The following TBX15 variants were observed in gnomAD, a reference collection of about 807,000 sequenced individuals.
The protein encoded by TBX15 is T-box transcription factor 15, also known as T-box transcription factor TBX15.
Under a neutral mutation model 53.9 loss-of-function variants are expected in TBX15, and 18 were observed. The observed-to-expected ratio is 0.33, with a 90% confidence interval of 0.23 to 0.49. The LOEUF (loss-of-function observed/expected upper bound fraction) is 0.49, where lower values mean the gene tolerates loss of function less well. Among genes scored for constraint, TBX15 ranks in the 20% least tolerant of loss-of-function variants. The pLI is 0.98. For synonymous variants in TBX15, 295 were observed against 278.0 expected, an observed-to-expected ratio of 1.06 and a Z score of -0.61; for missense variants, 692 against 749.5, an observed-to-expected ratio of 0.92 and a Z score of 0.90.
Position 118,987,678 on chromosome 1 carries a change from G to C in TBX15, c.118C>G (p.Leu40Val). 2 of 1,550,368 alleles carry C rather than the reference G, an allele frequency of 1.3e-6. No individual in the cohort carries two copies. Among genetic ancestry groups the C allele is most frequent in the Non-Finnish European group, 8.7e-7 (1 of 1,146,846 alleles). The change falls in exon 1 of 8, where the codon CTG becomes GTG. Residue 40 changes from leucine to valine, a missense_variant. By Grantham distance (32) the Leu-to-Val change is conservative. Around this residue, in one of 3 missense-constraint regions of TBX15, gnomAD observed 307 missense variants for 347.5 expected, o/e 0.88. Transcript: ENST00000369429. ...RKLRDWEEKG[L>V]DLSMEALSPA... ...CTCAGCGCCTCCATAGACAGGTCCA[G>C]CCCCTTCTCCTCCCAGTCTCGCAGT...
At chr1:118,969,080 G>C (rs1657147709) in intron 1 of TBX15, among the ~76,000 whole-genome samples, 1 of 152,214 alleles carries the variant, frequency 6.6e-6, no homozygotes, top group African/African-American at 2.4e-5. Context: ...AACTGGCACA[G>C]CAGTCAGATC....
At chr1:118,985,405 T>C (rs937034036) in intron 1 of TBX15, among the ~76,000 whole-genome samples, 3 of 152,360 alleles carry the variant, frequency 2.0e-5, no homozygotes, top group Admixed American at 2.0e-4. Context: ...CGCCTTTCGC[T>C]ACCGCCTGAG....
chr1:118,929,802 G>A (rs956421037), intron 2 of TBX15, among the ~76,000 whole-genome samples: 2 of 151,994 alleles, frequency 1.3e-5, no homozygotes, highest in Non-Finnish European at 2.9e-5. Context: ...GGAATACAGA[G>A]ACCCAAGAGT....
At position 118,915,466 on chromosome 1, in the gene TBX15, T is replaced by C. The variant is rs539629882; in HGVS notation, c.862-1287A>G. On this transcript the variant is annotated intron_variant, in intron 5 of 7. Transcript: ENST00000369429. Reference sequence around the variant, plus strand: ...AGTCTTCCAGGCTTCAAGGTTATTTTCTTCCTAAATATTCCTTGCCTTTAA... The same window carrying C: ...AGTCTTCCAGGCTTCAAGGTTATTTCCTTCCTAAATATTCCTTGCCTTTAA... 5.3e-5 allele frequency among the ~76,000 whole-genome samples: 8 copies of C among 152,346 alleles called. No homozygotes were observed. In the East Asian group the frequency reaches 1.2e-3, roughly 22 times the overall value.
intron 7 of TBX15, among the ~76,000 whole-genome samples, chr1:118,891,660 A>G (rs1478750609): frequency 1.3e-5 from 2 of 152,204 alleles, no homozygotes; most frequent in African/African-American, 4.8e-5. Flanking sequence ...CTTAGGAGAA[A>G]GGTACATGCC....
chr1:118,892,895 C>A (rs1654196306), intron 7 of TBX15, among the ~76,000 whole-genome samples: 1 of 152,074 alleles, frequency 6.6e-6, no homozygotes, highest in Non-Finnish European at 1.5e-5. Flanking sequence ...ATTCCTGAGA[C>A]CATAAATAAT....
intron 1 of TBX15, among the ~76,000 whole-genome samples, chr1:118,945,231 A>G (rs937059421): frequency 6.6e-6 from 1 of 152,182 alleles, no homozygotes; most frequent in Admixed American, 6.5e-5. Context: ...TTTCACAACT[A>G]AGTGGGACAG....
chr1:118,915,370 C>G (rs529557651), intron 5 of TBX15, among the ~76,000 whole-genome samples: 135 of 152,314 alleles, frequency 8.9e-4, no homozygotes, highest in African/African-American at 3.1e-3. Flanking sequence ...AGTGGAATTT[C>G]CCAAGACCGC....
chr1:118,891,544 A>C (rs1654143106), intron 7 of TBX15, among the ~76,000 whole-genome samples: 1 of 151,990 alleles, frequency 6.6e-6, no homozygotes, highest in Admixed American at 6.6e-5. Context: ...AAGGCATGTG[A>C]CTCAGGCCTG....
Position 118,914,042 on chromosome 1 carries a change from A to G in TBX15, c.926+73T>C. ...AGGTGTTTTCTAAAAGGCAGGAGCC[A>G]TCAACCATCAGCAGGATGTGAGGGA... is the stretch of plus-strand genomic sequence containing the variant. On this transcript the variant is annotated intron_variant, in intron 6 of 7. Coordinates refer to ENST00000369429, the MANE Select transcript of TBX15 (RefSeq NM_001330677.2). 3 of 1,522,954 alleles carry G rather than the reference A, an allele frequency of 2.0e-6. No homozygotes were observed. In the South Asian group the frequency reaches 3.4e-5, roughly 17 times the overall value. The allele number at this position is 1,522,954 out of a possible 1,614,324, so 94.3% of individuals were successfully genotyped here. A position where few individuals can be genotyped will look rare whatever the true frequency, so the allele number is the denominator to read the frequency against.
chr1:118,884,470 T>C lies in TBX15; in HGVS notation c.*262A>G. On this transcript the variant is annotated 3_prime_UTR_variant, in exon 8 of 8. Coordinates refer to ENST00000369429, the MANE Select transcript of TBX15 (RefSeq NM_001330677.2). ...TATTCAGTCTCTTCAAAGGCCACTC[T>C]GGAACAGACAATGCTTTATAAAACT... 1 of 526,488 alleles carries C rather than the reference T, an allele frequency of 1.9e-6. No individual in the cohort carries two copies. Among genetic ancestry groups the C allele is most frequent in the Non-Finnish European group, 3.4e-6 (1 of 293,540 alleles). 32.6% of individuals were successfully genotyped at this position (526,488 alleles called of 1,614,324 possible).
At chr1:118,925,733 C>T (rs552632853) in intron 3 of TBX15, among the ~76,000 whole-genome samples, 6 of 152,156 alleles carry the variant, frequency 3.9e-5, no homozygotes, top group East Asian at 1.9e-4. Context: ...AAATCCAGAC[C>T]GTGTCTCTCT....
At chr1:118,919,415 G>A (rs1655351257) in intron 5 of TBX15, among the ~76,000 whole-genome samples, 1 of 152,194 alleles carries the variant, frequency 6.6e-6, no homozygotes, top group Admixed American at 6.5e-5. Context: ...GGCCTGCCAA[G>A]TTGGCACATA....
chr1:118,959,329 C>T (rs745523080), intron 1 of TBX15, among the ~76,000 whole-genome samples: 12 of 152,176 alleles, frequency 7.9e-5, no homozygotes, highest in Admixed American at 1.3e-4. Context: ...GCAAGAGAGA[C>T]CATCAGCTCT....
chr1:118,957,536 A>G (rs553613536), intron 1 of TBX15, among the ~76,000 whole-genome samples: 2 of 152,308 alleles, frequency 1.3e-5, no homozygotes, highest in African/African-American at 4.8e-5. Flanking sequence ...TTAGTTACAT[A>G]TGTATACATG....
chr1:118,885,659 C>A, intron 7 of TBX15, 143 bp from the exon 8 acceptor site: 1 of 944,440 alleles, frequency 1.1e-6, no homozygotes, highest in South Asian at 1.5e-5. Context: ...CTTAACTCAG[C>A]AGACCTATGC....
intron 1 of TBX15, among the ~76,000 whole-genome samples, chr1:118,934,323 G>C (rs1009038914): frequency 1.3e-5 from 2 of 152,092 alleles, no homozygotes; most frequent in African/African-American, 2.4e-5. Context: ...CTTTGAACAA[G>C]ACAAGTTAAA....
intron 7 of TBX15, among the ~76,000 whole-genome samples, chr1:118,887,122 C>G (rs1405075506): frequency 6.6e-6 from 1 of 152,160 alleles, no homozygotes; most frequent in Admixed American, 6.5e-5. Flanking sequence ...CTGCGGGGCC[C>G]TTTATTTGAA....
chr1:118,970,272 C>T (rs1029253131), intron 1 of TBX15, among the ~76,000 whole-genome samples: 6 of 152,204 alleles, frequency 3.9e-5, no homozygotes, highest in Non-Finnish European at 8.8e-5. Flanking sequence ...TGGCCCTCCA[C>T]ACCTGTCTCC....
Sources: allele counts gnomAD v4.1 joint callset (sites outside exome capture counted in the v4.1 genomes callset), GRCh38; gene constraint gnomAD v4.1.1; regional missense constraint gnomAD v4.1.1; transcripts MANE v1.5; gene names NCBI Gene and HGNC (gene_info 2026-07-23, HGNC 2026-07-21).